SEC63: variants seen among roughly 807,000 people sequenced by gnomAD.
SEC63 encodes the protein translocation protein SEC63 homolog.
A neutral mutation model predicts 116.2 loss-of-function variants in SEC63; 56 were observed. The observed-to-expected ratio is 0.48, with a 90% CI of 0.39 to 0.60. SEC63 has a LOEUF of 0.60. Among genes scored for constraint, SEC63 ranks in the 20% least tolerant of loss-of-function variants. SEC63 has a pLI of 0.00. For synonymous variants in SEC63, 273 were observed against 294.6 expected (o/e 0.93, Z 0.75); for missense variants, 668 against 900.0 (o/e 0.74, Z 3.30).
At chr6:107,938,450 G>A (rs926658408) in intron 1 of SEC63, among the ~76,000 whole-genome samples, 1 of 151,694 alleles carries the variant, frequency 6.6e-6, no homozygotes, top group Non-Finnish European at 1.5e-5. Flanking sequence ...GGTCTATGTT[G>A]CCCAGGCTGG....
At position 107,869,778 on chromosome 6, in the gene SEC63, T is replaced by C. The variant is rs1281461505; in HGVS notation, c.*1926A>G. Reference sequence around the variant, plus strand: ...GAATTTTCTGGTGATGGTAGTTTTTTTTTTTTTTTTTTTTTTAAGCACTGT... The same window carrying C: ...GAATTTTCTGGTGATGGTAGTTTTTCTTTTTTTTTTTTTTTTAAGCACTGT... On this transcript the variant is annotated 3_prime_UTR_variant, in exon 21 of 21. Coordinates refer to ENST00000369002, the MANE Select transcript of SEC63 (RefSeq NM_007214.5). 4.9e-4 allele frequency: 2 copies of C among 4,118 alleles called. No individual in the cohort carries two copies. The highest frequency in any genetic ancestry group is 1.0e-3 in the African/African-American group (2 of 1,934). The allele number at this position is 4,118 out of a possible 1,614,324, so 0.3% of individuals were successfully genotyped here.
At chr6:107,895,402 A>G (rs757511281) in intron 14 of SEC63, among the ~76,000 whole-genome samples, 11 of 152,256 alleles carry the variant, frequency 7.2e-5, no homozygotes, top group Non-Finnish European at 1.5e-4. Context: ...GATTCAATAT[A>G]TCCTACTACA....
chr6:107,939,333 T>A (rs889196858), intron 1 of SEC63, among the ~76,000 whole-genome samples: 2 of 152,242 alleles, frequency 1.3e-5, no homozygotes, highest in Non-Finnish European at 2.9e-5. Context: ...AGTACACTTC[T>A]GCCAGTATGG....
In SEC63 at chr6:107,958,085, C is replaced by G. The variant is rs1237343637; in HGVS notation, c.-76G>C. 2 of 1,595,072 alleles carry G rather than the reference C, an allele frequency of 1.3e-6. No homozygotes were observed. The highest frequency in any genetic ancestry group is 4.5e-5 in the East Asian group (2 of 44,384). ...CTCTGCACTCCCGCTCCCAACGCCC[C>G]GGCCCGAGTGGCGTAGCTTGGACAC... On this transcript the variant is annotated 5_prime_UTR_variant, in exon 1 of 21. Transcript: ENST00000369002.
chr6:107,921,843 C>T lies in SEC63; in HGVS notation c.406G>A (p.Gly136Arg). The change falls in exon 4 of 21, where the codon GGA becomes AGA. Residue 136 changes from glycine (G) to arginine (R), a missense_variant. Physicochemically the swap from Gly to Arg is moderately radical, Grantham distance 125. Transcript: ENST00000369002. ...LLSLKYHPDKGGDEVMFMRIA... is the reference protein window; with the variant it reads ...LLSLKYHPDKRGDEVMFMRIA... Reference sequence around the variant, plus strand: ...CTCATGAACATAACCTCATCACCTCCTTTATCTGGATGATATTTAAGTGAC... The same window carrying T: ...CTCATGAACATAACCTCATCACCTCTTTTATCTGGATGATATTTAAGTGAC... The T allele has an allele frequency of 3.7e-6, 6 of 1,612,678 alleles. No homozygotes were observed. Among genetic ancestry groups the T allele is most frequent in the Non-Finnish European group, 5.1e-6 (6 of 1,179,070 alleles).
intron 1 of SEC63, among the ~76,000 whole-genome samples, chr6:107,931,090 G>C (rs940701450): frequency 1.3e-5 from 2 of 152,128 alleles, no homozygotes; most frequent in East Asian, 3.9e-4. Flanking sequence ...AGCACTTTGG[G>C]AGGCTGAGGC....
At position 107,913,422 on chromosome 6, in the gene SEC63, G is replaced by A. The variant is rs1562326726; in HGVS notation, c.458C>T (p.Thr153Met). ...CCAATTTTTCCGGGACTCTTCATCCGTTAAACTAGCATCAAAAGAACAAAG... is the reference window on the plus strand; with the variant it reads ...CCAATTTTTCCGGGACTCTTCATCCATTAAACTAGCATCAAAAGAACAAAG... ...MRIAKAYAAL[T>M]DEESRKNWEE... Residue 153 changes from threonine (T) to methionine (M), a missense_variant, in exon 5 of 21, where the codon ACG becomes ATG. By Grantham distance (81) the Thr-to-Met change is moderately conservative. Coordinates refer to ENST00000369002, the MANE Select transcript of SEC63 (RefSeq NM_007214.5). 3 of 1,611,978 alleles carry A rather than the reference G, an allele frequency of 1.9e-6. No individual in the cohort carries two copies. Among genetic ancestry groups the A allele is most frequent in the Non-Finnish European group, 1.7e-6 (2 of 1,178,296 alleles).
At chr6:107,913,551 A>G in intron 4 of SEC63, 124 bp from the exon 5 acceptor site, 1 of 771,198 alleles carries the variant, frequency 1.3e-6, no homozygotes. Flanking sequence ...ATGAATCAAG[A>G]AAAGTTTCTC....
At chr6:107,891,817 T>G (rs1173619166) in intron 16 of SEC63, among the ~76,000 whole-genome samples, 3 of 152,230 alleles carry the variant, frequency 2.0e-5, no homozygotes, top group African/African-American at 7.2e-5. Context: ...CAGGCCCCTC[T>G]GCTGCAGGTC....
At chr6:107,953,558 CG>C (rs1770625610) in intron 1 of SEC63, among the ~76,000 whole-genome samples, 1 of 143,466 alleles carries the variant, frequency 7.0e-6, no homozygotes, top group Admixed American at 6.8e-5. Context: ...CCGCCCCGTC[CG>C]GGAGGGAGGT....
At chr6:107,898,973 C>T (rs916437437) in intron 13 of SEC63, among the ~76,000 whole-genome samples, 1 of 152,152 alleles carries the variant, frequency 6.6e-6, no homozygotes, top group Non-Finnish European at 1.5e-5. Flanking sequence ...GTATGGTATC[C>T]CTTCTTCACC....
chr6:107,911,508 T>C (rs1232070943), intron 6 of SEC63, 112 bp from the exon 7 acceptor site: 21 of 740,180 alleles, frequency 2.8e-5, no homozygotes, highest in Non-Finnish European at 4.8e-5. Context: ...GGATTCCTCA[T>C]GTATTATCTT....
intron 1 of SEC63, among the ~76,000 whole-genome samples, chr6:107,944,819 CTA>C: frequency 6.6e-6 from 1 of 152,228 alleles, no homozygotes; most frequent in South Asian, 2.1e-4. Context: ...CAAAATAAGA[CTA>C]TGTTTATACT....
At chr6:107,875,262 C>T (rs916695455) in intron 19 of SEC63, among the ~76,000 whole-genome samples, 1 of 152,126 alleles carries the variant, frequency 6.6e-6, no homozygotes, top group African/African-American at 2.4e-5. Context: ...AATACACACG[C>T]GTGCATGTTT....
intron 1 of SEC63, among the ~76,000 whole-genome samples, chr6:107,954,238 T>G (rs533321780): frequency 3.8e-4 from 57 of 151,926 alleles, no homozygotes; most frequent in Admixed American, 2.6e-4. Flanking sequence ...CGGTGCAAGA[T>G]GTGCTTTGTT....
intron 1 of SEC63, among the ~76,000 whole-genome samples, chr6:107,943,882 T>C (rs1319989638): frequency 6.6e-6 from 1 of 152,200 alleles, no homozygotes; most frequent in Non-Finnish European, 1.5e-5. Flanking sequence ...TTGAGACAGA[T>C]CCCTGAAGAG....
chr6:107,940,709 G>A (rs1375362047), intron 1 of SEC63, among the ~76,000 whole-genome samples: 9 of 151,506 alleles, frequency 5.9e-5, no homozygotes, highest in African/African-American at 2.2e-4. Flanking sequence ...AGGAACACAG[G>A]GAAAAGAAAG....
At chr6:107,943,516 G>GA (rs1329253408) in intron 1 of SEC63, among the ~76,000 whole-genome samples, 2 of 152,048 alleles carry the variant, frequency 1.3e-5, no homozygotes, top group African/African-American at 2.4e-5. Flanking sequence ...TATATTTACT[G>GA]AAAAAAATCC....
chr6:107,943,857 G>A (rs1583776453), intron 1 of SEC63, among the ~76,000 whole-genome samples: 1 of 152,234 alleles, frequency 6.6e-6, no homozygotes, highest in Non-Finnish European at 1.5e-5. Context: ...GCTAAGACTT[G>A]AGCTTCTAGT....
Sources: allele counts gnomAD v4.1 joint callset (sites outside exome capture counted in the v4.1 genomes callset), GRCh38; gene constraint gnomAD v4.1.1; transcripts MANE v1.5; gene names NCBI Gene and HGNC (gene_info 2026-07-23, HGNC 2026-07-21).